The following ADAM23 variants were observed in gnomAD, a reference collection of about 807,000 sequenced individuals.
ADAM23 encodes ADAM metallopeptidase domain 23, also known as disintegrin and metalloproteinase domain-containing protein 23.
ADAM23 carries 33 observed loss-of-function variants against 120.1 expected under a neutral mutation model. That is an observed-to-expected ratio of 0.27 (90% CI 0.21 to 0.37). The LOEUF is 0.37. ADAM23 is among the 10% of genes least tolerant of loss of function. The pLI, the probability that ADAM23 is intolerant of heterozygous loss-of-function variation, is 1.00. For missense variants in ADAM23, 862 were observed against 1,058.2 expected, an observed-to-expected ratio of 0.81 and a Z score of 2.57; for synonymous variants, 367 against 375.2, an observed-to-expected ratio of 0.98 and a Z score of 0.25.
chr2:206,612,241 C>G (rs911672235), intron 25 of ADAM23, among the ~76,000 whole-genome samples: 1 of 152,092 alleles, frequency 6.6e-6, no homozygotes, highest in Non-Finnish European at 1.5e-5. Context: ...ACACTTCTAC[C>G]TTGTAATAAA....
intron 22 of ADAM23, 66 bp from the exon 23 acceptor site, chr2:206,594,671 C>T: frequency 6.3e-7 from 1 of 1,581,480 alleles, no homozygotes; most frequent in Non-Finnish European, 8.6e-7. Context: ...GAAGAGCAAG[C>T]CTCATTCATG....
intron 9 of ADAM23, among the ~76,000 whole-genome samples, chr2:206,553,711 AT>A (rs1474459723): frequency 1.3e-5 from 2 of 152,168 alleles, no homozygotes; most frequent in Non-Finnish European, 2.9e-5. Flanking sequence ...TCAGTAGTAT[AT>A]CAGAACTTAC....
intron 2 of ADAM23, among the ~76,000 whole-genome samples, chr2:206,450,813 T>G (rs1695177363): frequency 6.6e-6 from 1 of 152,200 alleles, no homozygotes; most frequent in Admixed American, 6.5e-5. Context: ...TTACACATAG[T>G]AGGTGTTCAG....
At chr2:206,597,668 G>A (rs376369753) in intron 24 of ADAM23, among the ~76,000 whole-genome samples, 3 of 152,166 alleles carry the variant, frequency 2.0e-5, no homozygotes, top group African/African-American at 7.2e-5. Flanking sequence ...CAGGGATGAC[G>A]TTGTACATCA....
chr2:206,595,178 T>TCAA (rs756490926), intron 23 of ADAM23, among the ~76,000 whole-genome samples: 4 of 152,000 alleles, frequency 2.6e-5, no homozygotes, highest in Admixed American at 6.6e-5. Context: ...AGACTCCATC[T>TCAA]CAACAACAAC....
chr2:206,508,025 T>G (rs188823792), intron 3 of ADAM23, among the ~76,000 whole-genome samples: 10 of 152,242 alleles, frequency 6.6e-5, no homozygotes, highest in African/African-American at 2.2e-4. Flanking sequence ...TATAAATAAA[T>G]TGCCTAGTTC....
intron 15 of ADAM23, among the ~76,000 whole-genome samples, chr2:206,569,372 G>A (rs1697952008): frequency 1.3e-5 from 2 of 152,148 alleles, no homozygotes; most frequent in Admixed American, 1.3e-4. Flanking sequence ...AAACTACGTA[G>A]TACAATGGTT....
intron 3 of ADAM23, among the ~76,000 whole-genome samples, chr2:206,530,536 C>T (rs571165751): frequency 1.3e-5 from 2 of 151,514 alleles, no homozygotes; most frequent in South Asian, 2.1e-4. Flanking sequence ...AAGAGTTCAC[C>T]GTCCGGGAGG....
At chr2:206,559,441 C>T (rs1306989808) in intron 10 of ADAM23, among the ~76,000 whole-genome samples, 1 of 152,064 alleles carries the variant, frequency 6.6e-6, no homozygotes, top group African/African-American at 2.4e-5. Flanking sequence ...AGCCTCAGAT[C>T]CTTGAGTCTC....
intron 3 of ADAM23, among the ~76,000 whole-genome samples, chr2:206,501,939 AG>A (rs1696395472): frequency 6.6e-6 from 1 of 152,304 alleles, no homozygotes; most frequent in South Asian, 2.1e-4. Flanking sequence ...ATTGAAATGC[AG>A]TAACACAAAT....
chr2:206,499,653 T>C (rs962257030), intron 3 of ADAM23, among the ~76,000 whole-genome samples: 6 of 149,222 alleles, frequency 4.0e-5, no homozygotes, highest in Admixed American at 2.6e-4. Context: ...AATAAGAAAA[T>C]AAATAAAATA....
intron 3 of ADAM23, among the ~76,000 whole-genome samples, chr2:206,505,523 G>A (rs568684170): frequency 6.6e-6 from 1 of 152,264 alleles, no homozygotes; most frequent in African/African-American, 2.4e-5. Context: ...CAGTCATAGC[G>A]GAAGGTGAGG....
At chr2:206,582,285 C>T (rs1698234356) in intron 18 of ADAM23, among the ~76,000 whole-genome samples, 1 of 152,288 alleles carries the variant, frequency 6.6e-6, no homozygotes, top group Non-Finnish European at 1.5e-5. Context: ...GGCCTTTTAC[C>T]ATTATATACT....
chr2:206,601,958 A>T (rs1457346654), intron 24 of ADAM23, among the ~76,000 whole-genome samples: 1 of 152,180 alleles, frequency 6.6e-6, no homozygotes, highest in Admixed American at 6.5e-5. Context: ...TAGTATTTTT[A>T]AAATAATAGT....
chr2:206,505,096 A>G (rs1696469354), intron 3 of ADAM23, among the ~76,000 whole-genome samples: 3 of 152,214 alleles, frequency 2.0e-5, no homozygotes, highest in Non-Finnish European at 2.9e-5. Flanking sequence ...AGAAGGGGCT[A>G]TCAAACCTAC....
Position 206,619,765 on chromosome 2 carries a change from A to G in ADAM23, c.*2138A>G, listed in dbSNP as rs1699019945. On this transcript the variant is annotated 3_prime_UTR_variant, in exon 26 of 26. Coordinates refer to ENST00000264377, the MANE Select transcript of ADAM23 (RefSeq NM_003812.4). Reference sequence around the variant, plus strand: ...GCAGAGACTTTAATTTCTATATTCTACAATAGACCATCACCAAACATCTTA... The same window carrying G: ...GCAGAGACTTTAATTTCTATATTCTGCAATAGACCATCACCAAACATCTTA... 1 of 152,216 alleles carries G rather than the reference A, an allele frequency of 6.6e-6. No individual in the cohort carries two copies. Among genetic ancestry groups the G allele is most frequent in the Non-Finnish European group, 1.5e-5 (1 of 68,040 alleles). 9.4% of individuals were successfully genotyped at this position (152,216 alleles called of 1,614,324 possible).
intron 2 of ADAM23, among the ~76,000 whole-genome samples, chr2:206,466,951 GA>G (rs1695552994): frequency 1.3e-5 from 2 of 152,106 alleles, no homozygotes; most frequent in South Asian, 2.1e-4. Context: ...GAGATGGGGG[GA>G]AAGTGTGACA....
intron 6 of ADAM23, among the ~76,000 whole-genome samples, chr2:206,544,224 A>T (rs1221417779): frequency 6.6e-6 from 1 of 152,198 alleles, no homozygotes; most frequent in Non-Finnish European, 1.5e-5. Flanking sequence ...TTAGTGGGGA[A>T]ATCTGTGGGC....
At chr2:206,561,865 A>G (rs1164565120) in intron 12 of ADAM23, among the ~76,000 whole-genome samples, 1 of 152,204 alleles carries the variant, frequency 6.6e-6, no homozygotes, top group Non-Finnish European at 1.5e-5. Flanking sequence ...AGGTTATCCC[A>G]GTTGCCCATT....
Sources: allele counts gnomAD v4.1 joint callset (sites outside exome capture counted in the v4.1 genomes callset), GRCh38; gene constraint gnomAD v4.1.1; transcripts MANE v1.5; gene names NCBI Gene and HGNC (gene_info 2026-07-23, HGNC 2026-07-21).